The following HYDIN variants were observed in gnomAD, a reference collection of about 807,000 sequenced individuals.
HYDIN encodes the protein axonemal central pair apparatus protein HYDIN.
A neutral mutation model predicts 403.9 loss-of-function variants in HYDIN; 132 were observed. The observed-to-expected ratio is 0.33, with a 90% confidence interval of 0.28 to 0.38. The LOEUF (loss-of-function observed/expected upper bound fraction) is 0.38. Ranked by LOEUF, HYDIN falls within the 10% of genes least tolerant of loss-of-function variation. The probability of loss-of-function intolerance (pLI) is 1.00; values close to 1 mark genes in which losing one functional copy is unlikely to be tolerated. For synonymous variants in HYDIN, 1,202 were observed against 1,891.7 expected, an observed-to-expected ratio of 0.64 and a Z score of 9.46; for missense variants, 2,827 against 5,009.5, an observed-to-expected ratio of 0.56 and a Z score of 13.15.
chr16:71,156,320 G>T (rs1358086039), intron 6 of HYDIN, among the ~76,000 whole-genome samples: 28 of 152,188 alleles, frequency 1.8e-4, no homozygotes, highest in Non-Finnish European at 2.9e-5. Flanking sequence ...GCTACTTACA[G>T]CTGCCTAACA....
chr16:70,976,628 A>C (rs2078895696), intron 30 of HYDIN, among the ~76,000 whole-genome samples: 1 of 151,662 alleles, frequency 6.6e-6, no homozygotes, highest in African/African-American at 2.4e-5. Flanking sequence ...ACGAGACGTT[A>C]CTGCTGGGAA....
At chr16:71,018,720 G>C (rs2080351038) in intron 22 of HYDIN, among the ~76,000 whole-genome samples, 1 of 152,258 alleles carries the variant, frequency 6.6e-6, no homozygotes, top group African/African-American at 2.4e-5. Flanking sequence ...GGAAAATCTG[G>C]AATTATTTAA....
chr16:71,100,611 AT>A (rs1456144667), intron 10 of HYDIN, among the ~76,000 whole-genome samples: 2 of 152,230 alleles, frequency 1.3e-5, no homozygotes, highest in African/African-American at 4.8e-5. Context: ...AATTTGATTT[AT>A]ATCAGAGTAG....
In HYDIN at chr16:70,996,775, C is replaced by T. The variant is rs753015010; in HGVS notation, c.3645-4565G>A. 7.3e-5 allele frequency among the ~76,000 whole-genome samples: 11 copies of T among 150,348 alleles called. No individual in the cohort carries two copies. The East Asian group carries it at 1.8e-3, about 24-fold the overall frequency. ...AAGAATGGAAGAAGAGTGGGGGAAA[C>T]GTGCCTGCAAAGCAGCGGTCCCCAA... On this transcript the variant is annotated intron_variant, in intron 23 of 85. Coordinates refer to ENST00000393567, the MANE Select transcript of HYDIN (RefSeq NM_001270974.2).
chr16:71,061,955 A>G (rs1228405049), intron 17 of HYDIN, among the ~76,000 whole-genome samples: 1 of 152,090 alleles, frequency 6.6e-6, no homozygotes, highest in Non-Finnish European at 1.5e-5. Flanking sequence ...GATGATTGCT[A>G]TAAAACACCG....
rs931365945 is a variant in HYDIN, at chr16:71,145,738, T to C, written c.841+6921A>G. 7.2e-5 allele frequency among the ~76,000 whole-genome samples: 11 copies of C among 152,248 alleles called. No homozygotes were observed. The East Asian group carries it at 2.1e-3, about 29-fold the overall frequency. ...GAGAGCACAAATGCACAAAGAGTTA[T>C]ATGGGAGATGAGACGATCTGCTATA... On this transcript the variant is annotated intron_variant, in intron 7 of 85. Transcript: ENST00000393567.
At chr16:70,926,450 G>A (rs897561103) in intron 45 of HYDIN, among the ~76,000 whole-genome samples, 2 of 151,846 alleles carry the variant, frequency 1.3e-5, no homozygotes, top group African/African-American at 2.4e-5. Flanking sequence ...CTCACACTCT[G>A]GGGACTGTTG....
intron 9 of HYDIN, among the ~76,000 whole-genome samples, chr16:71,120,839 T>C (rs1458878154): frequency 6.6e-6 from 1 of 152,166 alleles, no homozygotes; most frequent in African/African-American, 2.4e-5. Flanking sequence ...ACGACTCAAC[T>C]TTTACATTTA....
At position 70,868,611 on chromosome 16, in the gene HYDIN, C is replaced by G. The variant is rs199890203; in HGVS notation, c.11269G>C (p.Val3757Leu). The G allele has an allele frequency of 7.0e-5, 113 of 1,613,562 alleles. 2 individuals are homozygous for G. The South Asian group carries it at 1.1e-3, about 16-fold the overall frequency. The change falls in exon 66 of 86, where the codon GTA (valine) becomes CTA (leucine). Residue 3757 changes from valine to leucine, a missense_variant. Transcript: ENST00000393567. The stretch of plus-strand genomic sequence containing the variant: ...AAAGTCCCAGGCATGTTTCTGGGTA[C>G]GTCCACCCACTTGACTGTGTGCATG... The part of the protein sequence containing the change: ...DRMHTVKWVD[V>L]PRNMPGTFTT...
At chr16:70,909,610 A>G (rs2076633512) in intron 47 of HYDIN, among the ~76,000 whole-genome samples, 1 of 149,608 alleles carries the variant, frequency 6.7e-6, no homozygotes. Flanking sequence ...ATCACACCTA[A>G]GAAAATGAAC....
intron 13 of HYDIN, among the ~76,000 whole-genome samples, chr16:71,069,934 G>A (rs1049432546): frequency 6.6e-6 from 1 of 152,190 alleles, no homozygotes; most frequent in Non-Finnish European, 1.5e-5. Flanking sequence ...GCCAGTGTGT[G>A]AAAGAAAAAG....
At chr16:70,904,482 T>TG (rs2076475406) in intron 50 of HYDIN, among the ~76,000 whole-genome samples, 1 of 27,100 alleles carries the variant, frequency 3.7e-5, no homozygotes, top group Non-Finnish European at 6.8e-5. Flanking sequence ...GAGTAACTTT[T>TG]TTTTTTTTTT....
intron 23 of HYDIN, among the ~76,000 whole-genome samples, chr16:71,010,864 G>A (rs1228652127): frequency 6.6e-6 from 1 of 152,170 alleles, no homozygotes; most frequent in Non-Finnish European, 1.5e-5. Flanking sequence ...CAAGGTCTGG[G>A]CTTATCTGGC....
At chr16:71,061,896 CAGAGAGAG>C in intron 17 of HYDIN, among the ~76,000 whole-genome samples, 1 of 94,276 alleles carries the variant, frequency 1.1e-5, no homozygotes, top group Non-Finnish European at 2.1e-5. Flanking sequence ...GTGTGTGTGT[CAGAGAGAG>C]AGAGAGAGAG....
At position 70,857,962 on chromosome 16, in the gene HYDIN, G is replaced by A; in HGVS notation, c.12130-92C>T. ...AGACTTGTCAGCACGAGGGTCATGA[G>A]AGTTGATGTTACCAGGCTATTGCTA... On this transcript the variant is annotated intron_variant, in intron 71 of 85. Coordinates refer to ENST00000393567, the MANE Select transcript of HYDIN (RefSeq NM_001270974.2). 3.6e-6 allele frequency: 4 copies of A among 1,121,788 alleles called. No individual in the cohort carries two copies. In the South Asian group the frequency reaches 5.0e-5, roughly 14 times the overall value. 69.5% of individuals were successfully genotyped at this position (1,121,788 alleles called of 1,614,324 possible).
In HYDIN at chr16:70,806,526, G is replaced by C. The variant is rs2035114373; in HGVS notation, c.*1054C>G. Among the ~76,000 whole-genome samples the C allele has an allele frequency of 6.6e-6, 1 of 152,186 alleles. No individual in the cohort carries two copies. On this transcript the variant is annotated 3_prime_UTR_variant, in exon 86 of 86. Coordinates refer to ENST00000393567, the MANE Select transcript of HYDIN (RefSeq NM_001270974.2). ...TCAGTCGATCTGACATGGGGACTGA[G>C]AGTTTGACTTTTAATAAATTCCCAG...
intron 45 of HYDIN, among the ~76,000 whole-genome samples, chr16:70,923,800 G>A (rs1485411412): frequency 7.1e-6 from 1 of 141,522 alleles, no homozygotes; most frequent in Non-Finnish European, 1.5e-5. Flanking sequence ...CGGCCTCGGC[G>A]ACAGAGCAAG....
At chr16:71,229,793 G>C (rs1040587128) in intron 1 of HYDIN, among the ~76,000 whole-genome samples, 2 of 152,196 alleles carry the variant, frequency 1.3e-5, no homozygotes, top group Admixed American at 6.5e-5. Context: ...TGAGCTAATG[G>C]AATCATTCTA....
chr16:71,114,594 G>C (rs1367852780), intron 10 of HYDIN, among the ~76,000 whole-genome samples: 3 of 150,482 alleles, frequency 2.0e-5, no homozygotes, highest in Non-Finnish European at 4.4e-5. Flanking sequence ...CTTCTCAATG[G>C]ACCTAGCTAG....
Sources: allele counts gnomAD v4.1 joint callset (sites outside exome capture counted in the v4.1 genomes callset), GRCh38; gene constraint gnomAD v4.1.1; transcripts MANE v1.5; gene names NCBI Gene and HGNC (gene_info 2026-07-23, HGNC 2026-07-21).